Variants in TBC1D2 observed in about 807,000 individuals in gnomAD.
TBC1D2 encodes the protein TBC1 domain family member 2A.
A neutral mutation model predicts 91.1 loss-of-function variants in TBC1D2; 58 were observed. That is an observed-to-expected ratio of 0.64 (90% confidence interval 0.52 to 0.79). TBC1D2 has a LOEUF of 0.79. TBC1D2 is among the 30% of genes least tolerant of loss of function. The probability of loss-of-function intolerance (pLI) is 0.00; values close to 1 mark genes in which losing one functional copy is unlikely to be tolerated. For synonymous variants in TBC1D2, 482 were observed against 511.5 expected, an observed-to-expected ratio of 0.94 and a Z score of 0.78; for missense variants, 1,080 against 1,208.3, an observed-to-expected ratio of 0.89 and a Z score of 1.57.
chr9:98,253,573 C>T (rs998588899), intron 1 of TBC1D2, among the ~76,000 whole-genome samples: 1 of 152,218 alleles, frequency 6.6e-6, no homozygotes, highest in African/African-American at 2.4e-5. Flanking sequence ...TTTTCTGGCT[C>T]ATGTGATTTG....
At chr9:98,223,364 G>T (rs956962889) in intron 5 of TBC1D2, among the ~76,000 whole-genome samples, 1 of 152,180 alleles carries the variant, frequency 6.6e-6, no homozygotes, top group African/African-American at 2.4e-5. Context: ...GGAGCCCTGG[G>T]GTGTGGCAGG....
chr9:98,199,316 G>T lies in TBC1D2; in HGVS notation c.*65C>A. 2 of 1,582,112 alleles carry T rather than the reference G, an allele frequency of 1.3e-6. No individual in the cohort carries two copies. The highest frequency in any genetic ancestry group is 1.7e-6 in the Non-Finnish European group (2 of 1,155,254). ...ACCCAGGGCTGGGCCACTGGTCCGTGCCTGACCTCCAGTGGGTCTGCCAGC... is the reference window on the plus strand; with the variant it reads ...ACCCAGGGCTGGGCCACTGGTCCGTTCCTGACCTCCAGTGGGTCTGCCAGC... On this transcript the variant is annotated 3_prime_UTR_variant, in exon 13 of 13. Transcript: ENST00000465784.
chr9:98,206,676 G>A (rs955857704), intron 9 of TBC1D2, among the ~76,000 whole-genome samples: 1 of 152,314 alleles, frequency 6.6e-6, no homozygotes, highest in South Asian at 2.1e-4. Flanking sequence ...GGCTGGGGGC[G>A]GGGGGCCAGG....
intron 10 of TBC1D2, 133 bp downstream of exon 10, chr9:98,203,155 T>C (rs1183597375): frequency 1.2e-5 from 16 of 1,364,300 alleles, no homozygotes; most frequent in Non-Finnish European, 1.5e-5. Context: ...TGCAGCCAAA[T>C]GCACTCCCAC....
chr9:98,218,705 C>T (rs1351504659), intron 6 of TBC1D2, among the ~76,000 whole-genome samples: 27 of 152,022 alleles, frequency 1.8e-4, no homozygotes. Context: ...CTTTTTTTTC[C>T]TTTGAGATGG....
chr9:98,213,173 C>T lies in TBC1D2; in HGVS notation c.1420G>A (p.Glu474Lys), dbSNP rs774203973. The T allele has an allele frequency of 7.4e-6, 12 of 1,614,074 alleles. No homozygotes were observed. Among genetic ancestry groups the T allele is most frequent in the East Asian group, 2.2e-5 (1 of 44,902 alleles). Residue 474 changes from glutamate (E) to lysine (K), a missense_variant, in exon 7 of 13, where the codon GAG becomes AAG. Transcript: ENST00000465784. The stretch of plus-strand genomic sequence containing the variant: ...CAGATCTTTGTGACCTGGTGGATCT[C>T]GGAGTTGAGGAAGCAGTTCTGGGTC... ...YRTQNCFLNS[E>K]IHQVTKIWRK... is the part of the protein sequence containing the mutation.
At position 98,213,072 on chromosome 9, in the gene TBC1D2, G is replaced by T. The variant is rs140622261; in HGVS notation, c.1485+36C>A. 977 of 1,610,770 alleles carry T rather than the reference G, an allele frequency of 6.1e-4. 9 individuals carry two copies. The African/African-American group carries it at 0.012, about 19-fold the overall frequency. The stretch of plus-strand genomic sequence containing the variant: ...GCATGGGGACCAGCAGAGGGGCCAG[G>T]GATGGAGACGGCTGGAATAGGGCCC... On this transcript the variant is annotated intron_variant, in intron 7 of 12. Transcript: ENST00000465784.
intron 7 of TBC1D2, among the ~76,000 whole-genome samples, chr9:98,212,502 G>C (rs1038360930): frequency 7.4e-5 from 10 of 135,212 alleles, no homozygotes; most frequent in Admixed American, 1.5e-4. Context: ...AAGTCCAAGT[G>C]CATCTTTTTT....
At position 98,244,038 on chromosome 9, in the gene TBC1D2, A is replaced by G. The variant is rs768976249; in HGVS notation, c.603T>C (p.Pro201=). 1.6e-5 allele frequency: 25 copies of G among 1,611,440 alleles called. No homozygotes were observed. Among genetic ancestry groups the G allele is most frequent in the Non-Finnish European group, 2.1e-5 (25 of 1,178,956 alleles). Residue 201 remains proline (P), a synonymous_variant, in exon 3 of 13, where the codon CCT becomes CCC. Coordinates refer to ENST00000465784, the MANE Select transcript of TBC1D2 (RefSeq NM_001267571.2). ...VGVAAALQPF[P]ALQNISLKHL... ...GCTTGAGGGAAATATTCTGAAGGGCAGGGAAGGGCTGCAAGGCAGCTGCCA... is the reference window on the plus strand; with the variant it reads ...GCTTGAGGGAAATATTCTGAAGGGCGGGGAAGGGCTGCAAGGCAGCTGCCA...
At position 98,199,221 on chromosome 9, in the gene TBC1D2, A is replaced by G. The variant is rs1828414544; in HGVS notation, c.*160T>C. On this transcript the variant is annotated 3_prime_UTR_variant, in exon 13 of 13. Coordinates refer to ENST00000465784, the MANE Select transcript of TBC1D2 (RefSeq NM_001267571.2). ...CCCAACCAATGGCTTTGCAGCACAC[A>G]ATGTCCCAGTGGGGAAACTGAGGGC... 1.1e-5 allele frequency: 9 copies of G among 786,762 alleles called. No individual in the cohort carries two copies. In the East Asian group the frequency reaches 2.2e-4, roughly 19 times the overall value. The allele number at this position is 786,762 out of a possible 1,614,324, so 48.7% of individuals were successfully genotyped here.
chr9:98,217,974 C>T (rs2119067019), intron 6 of TBC1D2, among the ~76,000 whole-genome samples: 1 of 152,172 alleles, frequency 6.6e-6, no homozygotes, highest in East Asian at 1.9e-4. Flanking sequence ...CTTCAGCTTC[C>T]CAAGTAGCTG....
At chr9:98,203,448 G>A (rs746921292) in intron 9 of TBC1D2, 40 bp from the exon 10 acceptor site, 24 of 1,609,304 alleles carry the variant, frequency 1.5e-5, no homozygotes, top group Admixed American at 3.4e-5. Flanking sequence ...TACAGAAGCC[G>A]TGGCCCTGCC....
In TBC1D2 at chr9:98,211,498, T is replaced by C. The variant is rs144269003; in HGVS notation, c.1486-655A>G. Among the ~76,000 whole-genome samples, 389 of 152,326 alleles carry C rather than the reference T, an allele frequency of 2.6e-3. 2 individuals are homozygous for C. The highest frequency in any genetic ancestry group is 4.3e-3 in the Non-Finnish European group (295 of 68,016). On this transcript the variant is annotated intron_variant, in intron 7 of 12. Transcript: ENST00000465784. ...CTTTTGTGTTTACATTTATACAAGC[T>C]GGGTGGTGCTAGGCAAGTCAGGCAA... is the stretch of plus-strand genomic sequence containing the variant.
At chr9:98,238,227 C>T (rs545028827) in intron 3 of TBC1D2, among the ~76,000 whole-genome samples, 2 of 136,946 alleles carry the variant, frequency 1.5e-5, no homozygotes, top group South Asian at 4.2e-4. Flanking sequence ...TCTTTTGATT[C>T]ATGAACATGA....
At chr9:98,240,651 G>A (rs968883357) in intron 3 of TBC1D2, among the ~76,000 whole-genome samples, 1 of 152,110 alleles carries the variant, frequency 6.6e-6, no homozygotes, top group Non-Finnish European at 1.5e-5. Flanking sequence ...CTTTAACCAG[G>A]AACTGCTCCC....
At chr9:98,230,687 C>T (rs1197903340) in intron 4 of TBC1D2, among the ~76,000 whole-genome samples, 1 of 152,146 alleles carries the variant, frequency 6.6e-6, no homozygotes. Flanking sequence ...AATCCTAGGA[C>T]TTTGGGAGGC....
intron 5 of TBC1D2, among the ~76,000 whole-genome samples, chr9:98,221,901 G>A (rs959603963): frequency 1.3e-5 from 2 of 152,072 alleles, no homozygotes; most frequent in African/African-American, 4.8e-5. Context: ...GCTAATATTT[G>A]TATTTTTTTG....
Position 98,228,075 on chromosome 9 carries a change from C to T in TBC1D2, c.978+877G>A, listed in dbSNP as rs183657519. On this transcript the variant is annotated intron_variant, in intron 5 of 12. Coordinates refer to ENST00000465784, the MANE Select transcript of TBC1D2 (RefSeq NM_001267571.2). This position sits in a 1 kb window ranked among gnomAD's most constrained non-coding sequence, Gnocchi z 4.0. ...TGGAAAACAAAGCAGAAAGGGCCTCCGGGCAGCCAAAGTTCAAACACAAAA... is the reference window on the plus strand; with the variant it reads ...TGGAAAACAAAGCAGAAAGGGCCTCTGGGCAGCCAAAGTTCAAACACAAAA... Among the ~76,000 whole-genome samples, 300 of 152,302 alleles carry T rather than the reference C, an allele frequency of 2.0e-3. 1 individual carries two copies. The highest frequency in any genetic ancestry group is 7.0e-3 in the African/African-American group (293 of 41,568).
chr9:98,201,666 T>C lies in TBC1D2; in HGVS notation c.2272-2A>G, dbSNP rs1328977430. On this transcript the variant is annotated splice_acceptor_variant, in intron 10 of 12. Transcript: ENST00000465784. LOFTEE classifies it high-confidence loss of function. ...GTCCTGGAGCACCCGCTGGTCCACCTGGAAGCCAGCGAGAGGGCCTGTCAT... is the reference window on the plus strand; with the variant it reads ...GTCCTGGAGCACCCGCTGGTCCACCCGGAAGCCAGCGAGAGGGCCTGTCAT... 7.5e-6 allele frequency: 12 copies of C among 1,608,194 alleles called. No individual in the cohort carries two copies. The highest frequency in any genetic ancestry group is 1.7e-4 in the Middle Eastern group (1 of 6,054).
Sources: gnomAD v4.1 joint callset for allele counts (sites outside exome capture counted in the v4.1 genomes callset) on GRCh38, gnomAD v4.1.1 for gene constraint, Gnocchi (gnomAD v3.1) non-coding constraint, MANE v1.5 for transcripts, NCBI Gene and HGNC (gene_info 2026-07-23, HGNC 2026-07-21) for gene names.